PRMT3: variants seen among roughly 807,000 people sequenced by gnomAD.
The protein encoded by PRMT3 is protein arginine N-methyltransferase 3.
In PRMT3, 62 loss-of-function variants were observed where a neutral mutation model predicts 71.9. That is an observed-to-expected ratio of 0.86 (90% CI 0.70 to 1.07). The LOEUF is 1.07. Ranked by LOEUF, PRMT3 falls within the 50% of genes least tolerant of loss-of-function variation. The pLI, the probability that PRMT3 is intolerant of heterozygous loss-of-function variation, is 0.00. For missense variants in PRMT3, 663 were observed against 643.0 expected (o/e 1.03, Z -0.34); for synonymous variants, 213 against 220.4 (o/e 0.97, Z 0.30).
At chr11:20,391,308 C>T (rs958442946) in intron 3 of PRMT3, among the ~76,000 whole-genome samples, 6 of 151,788 alleles carry the variant, frequency 4.0e-5, no homozygotes, top group African/African-American at 9.7e-5. Flanking sequence ...TGCAATGGCA[C>T]GATCTCGGCT....
At chr11:20,432,128 A>T (rs903780144) in intron 10 of PRMT3, among the ~76,000 whole-genome samples, 2 of 152,082 alleles carry the variant, frequency 1.3e-5, no homozygotes, top group African/African-American at 4.8e-5. Flanking sequence ...TCTTTTATTC[A>T]ATCTTCGATA....
chr11:20,459,450 C>T (rs1850335822), intron 11 of PRMT3, among the ~76,000 whole-genome samples: 1 of 152,116 alleles, frequency 6.6e-6, no homozygotes, highest in Non-Finnish European at 1.5e-5. Context: ...AGCCTGCTGC[C>T]TGTTTTGTAG....
intron 6 of PRMT3, 51 bp from the exon 7 acceptor site, chr11:20,397,526 A>T: frequency 6.3e-7 from 1 of 1,591,232 alleles, no homozygotes; most frequent in Non-Finnish European, 8.6e-7. Flanking sequence ...CCTTTCCTTT[A>T]TTCATGGTCC....
At chr11:20,408,071 A>G in intron 9 of PRMT3, 39 bp downstream of exon 9, 5 of 1,382,120 alleles carry the variant, frequency 3.6e-6, no homozygotes, top group Non-Finnish European at 4.9e-6. Flanking sequence ...ATTATTTTAA[A>G]ATTTAATGAT....
At chr11:20,493,885 A>G (rs1391778225) in intron 13 of PRMT3, 34 bp from the exon 14 acceptor site, 3 of 1,384,088 alleles carry the variant, frequency 2.2e-6, no homozygotes, top group Non-Finnish European at 3.0e-6. Context: ...TAATTCATTT[A>G]GTAAGCATTT....
chr11:20,504,747 C>T (rs866576183), intron 15 of PRMT3, among the ~76,000 whole-genome samples: 1 of 111,068 alleles, frequency 9.0e-6, no homozygotes, highest in African/African-American at 3.5e-5. Context: ...AGAGAGAGAG[C>T]GAGAGCGACT....
intron 6 of PRMT3, 94 bp from the exon 7 acceptor site, chr11:20,397,483 A>C: frequency 7.9e-7 from 1 of 1,272,256 alleles, no homozygotes; most frequent in Non-Finnish European, 1.1e-6. Flanking sequence ...ATCACACTGT[A>C]CTCCCTCCCC....
chr11:20,463,997 T>C (rs1590083510), intron 12 of PRMT3, among the ~76,000 whole-genome samples: 1 of 152,236 alleles, frequency 6.6e-6, no homozygotes, highest in East Asian at 1.9e-4. Context: ...TAAAACAACT[T>C]TCTTTTCATT....
intron 13 of PRMT3, among the ~76,000 whole-genome samples, chr11:20,488,597 G>A (rs757039941): frequency 6.6e-6 from 1 of 152,134 alleles, no homozygotes; most frequent in Non-Finnish European, 1.5e-5. Context: ...GTAACCACAT[G>A]CTGTTGGAAC....
At chr11:20,413,755 C>T (rs563198705) in intron 9 of PRMT3, among the ~76,000 whole-genome samples, 7 of 152,122 alleles carry the variant, frequency 4.6e-5, no homozygotes, top group Non-Finnish European at 8.8e-5. Flanking sequence ...AAGCTTTAGT[C>T]GTACTCTGTA....
intron 10 of PRMT3, among the ~76,000 whole-genome samples, chr11:20,445,920 A>G (rs1406248777): frequency 6.6e-6 from 1 of 152,186 alleles, no homozygotes; most frequent in African/African-American, 2.4e-5. Flanking sequence ...TTTATTTTCT[A>G]TAGATGTCGT....
At chr11:20,469,174 C>G (rs1850584791) in intron 13 of PRMT3, among the ~76,000 whole-genome samples, 1 of 152,178 alleles carries the variant, frequency 6.6e-6, no homozygotes, top group South Asian at 2.1e-4. Flanking sequence ...TCTATCATAT[C>G]AGCCTGCTTA....
chr11:20,450,440 A>T (rs1303394217), intron 10 of PRMT3, among the ~76,000 whole-genome samples: 1 of 152,150 alleles, frequency 6.6e-6, no homozygotes, highest in Non-Finnish European at 1.5e-5. Flanking sequence ...TTCTTAGTTG[A>T]ATCCCATAAG....
At chr11:20,408,195 A>G (rs1849115424) in intron 9 of PRMT3, among the ~76,000 whole-genome samples, 163 bp downstream of exon 9, 1 of 152,148 alleles carries the variant, frequency 6.6e-6, no homozygotes. Flanking sequence ...TGAGCTAGAC[A>G]CATTTGAGCT....
At chr11:20,449,233 C>T (rs1850096756) in intron 10 of PRMT3, among the ~76,000 whole-genome samples, 1 of 152,122 alleles carries the variant, frequency 6.6e-6, no homozygotes, top group Non-Finnish European at 1.5e-5. Context: ...CTAGTATTTG[C>T]ATTGATTTTT....
At chr11:20,446,117 A>T (rs1475747966) in intron 10 of PRMT3, among the ~76,000 whole-genome samples, 2 of 152,116 alleles carry the variant, frequency 1.3e-5, no homozygotes, top group African/African-American at 4.8e-5. Context: ...GCTAGAGCAC[A>T]GGGTGTGCTG....
chr11:20,455,089 T>G (rs1403671171), intron 11 of PRMT3, among the ~76,000 whole-genome samples: 1 of 152,148 alleles, frequency 6.6e-6, no homozygotes. Context: ...TTGTAATGTT[T>G]TACATGCAGC....
chr11:20,406,810 G>A (rs901720319), intron 8 of PRMT3: 1 of 152,072 alleles, frequency 6.6e-6, no homozygotes, highest in African/African-American at 2.4e-5. Context: ...AGCAATACTT[G>A]TTGTTTTCTA....
In PRMT3 at chr11:20,389,766, A is replaced by G. The variant is rs1400131725; in HGVS notation, c.187A>G (p.Thr63Ala). The G allele has an allele frequency of 6.2e-7, 1 of 1,611,658 alleles. No homozygotes were observed. Among genetic ancestry groups the G allele is most frequent in the Non-Finnish European group, 8.5e-7 (1 of 1,178,158 alleles). The change falls in exon 3 of 16, where the codon ACA becomes GCA. Residue 63 changes from threonine to alanine, a missense_variant. Transcript: ENST00000331079. ...CAGGTTATTCACATCTGCTGAAGAA[A>G]CATTTTCACACTGTAAGTCTGAGCA... ...CNRLFTSAEE[T>A]FSHCKSEHQF...
Sources: gnomAD v4.1 joint callset for allele counts (sites outside exome capture counted in the v4.1 genomes callset) on GRCh38, gnomAD v4.1.1 for gene constraint, MANE v1.5 for transcripts, NCBI Gene and HGNC (gene_info 2026-07-23, HGNC 2026-07-21) for gene names.